Variants in NIM1K observed in about 807,000 individuals in gnomAD.
NIM1K encodes the protein NIM1 serine/threonine protein kinase, also known as serine/threonine-protein kinase NIM1.
A neutral mutation model predicts 37.1 loss-of-function variants in NIM1K; 35 were observed. The observed-to-expected ratio is 0.94, with a 90% CI of 0.72 to 1.25. NIM1K has a LOEUF of 1.25. Among genes scored for constraint, NIM1K ranks in the 50% most tolerant of loss-of-function variants. The probability of loss-of-function intolerance (pLI) is 0.00; values close to 1 mark genes in which losing one functional copy is unlikely to be tolerated. For synonymous variants in NIM1K, 234 were observed against 206.6 expected, an observed-to-expected ratio of 1.13 and a Z score of -1.14; for missense variants, 564 against 548.0, an observed-to-expected ratio of 1.03 and a Z score of -0.29.
chr5:43,264,853 G>A (rs142718882), intron 2 of NIM1K, among the ~76,000 whole-genome samples: 2 of 152,114 alleles, frequency 1.3e-5, no homozygotes, highest in African/African-American at 4.8e-5. Flanking sequence ...GTCTGTAAAG[G>A]ATTTTATTTC....
At position 43,246,023 on chromosome 5, in the gene NIM1K, G is replaced by A. The variant is rs778864024; in HGVS notation, c.248G>A (p.Gly83Glu). 18 of 1,614,016 alleles carry A rather than the reference G, an allele frequency of 1.1e-5. No individual in the cohort carries two copies. The highest frequency in any genetic ancestry group is 1.4e-5 in the Non-Finnish European group (17 of 1,179,920). Reference sequence around the variant, plus strand: ...CGAATTCGAGGGGAAATCGGAAGTGGAAACTTCTCCCAAGTGAAGCTTGGG... The same window carrying A: ...CGAATTCGAGGGGAAATCGGAAGTGAAAACTTCTCCCAAGTGAAGCTTGGG... ...FYRIRGEIGS[G>E]NFSQVKLGIH... Residue 83 changes from glycine to glutamate, a missense_variant, in exon 2 of 4, where the codon GGA (glycine) becomes GAA (glutamate). Gly to Glu is a moderately conservative substitution (Grantham distance 98). Transcript: ENST00000326035.
chr5:43,232,866 G>T (rs2112245262), intron 1 of NIM1K: 1 of 1,097,972 alleles, frequency 9.1e-7, no homozygotes, highest in Non-Finnish European at 1.4e-6. Context: ...TTCAGGCATA[G>T]TTACTGGAAG....
At chr5:43,260,314 G>A (rs916340761) in intron 2 of NIM1K, among the ~76,000 whole-genome samples, 1 of 152,094 alleles carries the variant, frequency 6.6e-6, no homozygotes, top group Non-Finnish European at 1.5e-5. Flanking sequence ...CAGCTCTCAG[G>A]GGGAATGCTT....
intron 1 of NIM1K, among the ~76,000 whole-genome samples, chr5:43,218,107 T>C (rs1460112937): frequency 6.6e-6 from 1 of 151,976 alleles, no homozygotes; most frequent in African/African-American, 2.4e-5. Context: ...ATCTCCTGGG[T>C]TCAAGTGATT....
chr5:43,242,455 T>A (rs2112258565), intron 1 of NIM1K, among the ~76,000 whole-genome samples: 1 of 146,670 alleles, frequency 6.8e-6, no homozygotes, highest in South Asian at 2.2e-4. Context: ...GGGGCAGGGA[T>A]GGGGGAGACT....
intron 2 of NIM1K, among the ~76,000 whole-genome samples, chr5:43,266,644 G>A (rs532289275): frequency 9.8e-5 from 15 of 152,314 alleles, no homozygotes; most frequent in Admixed American, 3.9e-4. Context: ...GCCCCAGTGC[G>A]ATGAACGCGG....
chr5:43,280,081 C>G lies in NIM1K; in HGVS notation c.663C>G (p.Ser221Arg). The G allele has an allele frequency of 6.2e-7, 1 of 1,614,026 alleles. No individual in the cohort carries two copies. Among genetic ancestry groups the G allele is most frequent in the South Asian group, 1.1e-5 (1 of 91,082 alleles). ...GCGATTTTGGATTCAGCACAGTAAG[C>G]AAAAAAGGTGAAATGCTGAACACTT... ...KVGDFGFSTVSKKGEMLNTFC... is the reference protein window; with the variant it reads ...KVGDFGFSTVRKKGEMLNTFC... The change falls in exon 4 of 4, where the codon AGC becomes AGG. Residue 221 changes from serine to arginine, a missense_variant. Physicochemically the swap from Ser to Arg is moderately radical, Grantham distance 110 (BLOSUM62 -1). Transcript: ENST00000326035.
intron 1 of NIM1K, among the ~76,000 whole-genome samples, chr5:43,218,309 C>G (rs1312154924): frequency 6.6e-6 from 1 of 152,188 alleles, no homozygotes; most frequent in Non-Finnish European, 1.5e-5. Context: ...CCGTGCCCGG[C>G]CTCCTCTGTC....
At chr5:43,200,454 C>G (rs1415425979) in intron 1 of NIM1K, among the ~76,000 whole-genome samples, 1 of 152,126 alleles carries the variant, frequency 6.6e-6, no homozygotes, top group African/African-American at 2.4e-5. Flanking sequence ...GTGCCCGCCT[C>G]CATGCCCGGC....
chr5:43,208,200 TC>T (rs2112212844), intron 1 of NIM1K, among the ~76,000 whole-genome samples: 1 of 152,310 alleles, frequency 6.6e-6, no homozygotes, highest in Non-Finnish European at 1.5e-5. Flanking sequence ...TGATGGTGTT[TC>T]TTTCCCCAAT....
At chr5:43,237,253 T>C (rs539734738) in intron 1 of NIM1K, among the ~76,000 whole-genome samples, 1 of 152,358 alleles carries the variant, frequency 6.6e-6, no homozygotes, top group African/African-American at 2.4e-5. Context: ...TTCATTGATA[T>C]TATTTTCACA....
At chr5:43,249,140 G>A (rs530684717) in intron 2 of NIM1K, among the ~76,000 whole-genome samples, 6 of 151,730 alleles carry the variant, frequency 4.0e-5, no homozygotes, top group Admixed American at 3.3e-4. Context: ...CAAGATCTAG[G>A]CTCACTGCAA....
At chr5:43,213,397 T>C (rs1752249448) in intron 1 of NIM1K, among the ~76,000 whole-genome samples, 1 of 151,576 alleles carries the variant, frequency 6.6e-6, no homozygotes, top group African/African-American at 2.4e-5. Flanking sequence ...CGGCACGATC[T>C]TGGCTCGCTG....
chr5:43,238,860 A>G (rs750834567), intron 1 of NIM1K, among the ~76,000 whole-genome samples: 1 of 150,016 alleles, frequency 6.7e-6, no homozygotes, highest in Non-Finnish European at 1.5e-5. Context: ...ATTCTACAAC[A>G]CAGACTTTTA....
chr5:43,194,294 A>T (rs1404983097), intron 1 of NIM1K, among the ~76,000 whole-genome samples: 1 of 152,220 alleles, frequency 6.6e-6, no homozygotes, highest in African/African-American at 2.4e-5. Context: ...AAAAAGCTGA[A>T]TCCAACTCCC....
chr5:43,229,614 CT>C (rs1307691452), intron 1 of NIM1K, among the ~76,000 whole-genome samples: 5 of 139,556 alleles, frequency 3.6e-5, no homozygotes, highest in African/African-American at 7.9e-5. Context: ...ATATCTGTAT[CT>C]TTTTTTTCTT....
intron 1 of NIM1K, among the ~76,000 whole-genome samples, chr5:43,198,222 TTTC>T (rs1236159046): frequency 8.1e-6 from 1 of 123,716 alleles, no homozygotes; most frequent in South Asian, 3.0e-4. Flanking sequence ...TCTTTCTTTC[TTTC>T]TTTCTTTCTT....
intron 2 of NIM1K, among the ~76,000 whole-genome samples, chr5:43,250,335 C>T (rs1752850641): frequency 6.6e-6 from 1 of 152,128 alleles, no homozygotes; most frequent in African/African-American, 2.4e-5. Context: ...ATAGCTGTGG[C>T]ATAAATTCTT....
At chr5:43,226,365 T>C (rs977565401) in intron 1 of NIM1K, among the ~76,000 whole-genome samples, 8 of 152,220 alleles carry the variant, frequency 5.3e-5, no homozygotes, top group Admixed American at 1.3e-4. Flanking sequence ...CAAAAGCCAG[T>C]AGTGGCTTAC....
Sources: allele counts gnomAD v4.1 joint callset (sites outside exome capture counted in the v4.1 genomes callset), GRCh38; gene constraint gnomAD v4.1.1; transcripts MANE v1.5; gene names NCBI Gene and HGNC (gene_info 2026-07-23, HGNC 2026-07-21).